Variants in COG5 observed in about 807,000 individuals in gnomAD.
COG5 encodes the protein component of oligomeric golgi complex 5.
COG5 carries 86 observed loss-of-function variants against 110.4 expected under a neutral mutation model. That is an observed-to-expected ratio of 0.78 (90% confidence interval 0.65 to 0.93). The LOEUF (loss-of-function observed/expected upper bound fraction) is 0.93, where lower values mean the gene tolerates loss of function less well. COG5 is among the 40% of genes least tolerant of loss of function. The pLI, the probability that COG5 is intolerant of heterozygous loss-of-function variation, is 0.00. For synonymous variants in COG5, 360 were observed against 334.6 expected (o/e 1.08, Z -0.83); for missense variants, 1,077 against 987.0 (o/e 1.09, Z -1.22).
intron 11 of COG5, among the ~76,000 whole-genome samples, chr7:107,310,565 G>A (rs1276729508): frequency 6.6e-6 from 1 of 152,160 alleles, no homozygotes; most frequent in Non-Finnish European, 1.5e-5. Flanking sequence ...GAGAAGAAAC[G>A]ATAAAGAACA....
intron 6 of COG5, among the ~76,000 whole-genome samples, chr7:107,499,153 G>A (rs1183227341): frequency 6.6e-6 from 1 of 152,098 alleles, no homozygotes; most frequent in Non-Finnish European, 1.5e-5. Flanking sequence ...GGGAGAGGAA[G>A]AAATGAGGAG....
chr7:107,359,703 C>T (rs182697845), intron 10 of COG5, among the ~76,000 whole-genome samples: 33 of 152,368 alleles, frequency 2.2e-4, no homozygotes, highest in African/African-American at 7.7e-4. Flanking sequence ...ACAGGACTAT[C>T]TGCCTGTGGA....
intron 10 of COG5, among the ~76,000 whole-genome samples, chr7:107,361,366 T>C (rs916017361): frequency 1.3e-5 from 2 of 152,162 alleles, no homozygotes; most frequent in African/African-American, 4.8e-5. Context: ...GTAAACACAT[T>C]ATAATGACTT....
chr7:107,211,859 G>A (rs1196537002), intron 19 of COG5, among the ~76,000 whole-genome samples: 1 of 152,176 alleles, frequency 6.6e-6, no homozygotes, highest in Non-Finnish European at 1.5e-5. Context: ...GGTGCAAAAG[G>A]CTGGCAAGAA....
intron 6 of COG5, among the ~76,000 whole-genome samples, chr7:107,417,330 TA>T (rs1164566129): frequency 1.3e-5 from 2 of 152,204 alleles, no homozygotes; most frequent in African/African-American, 4.8e-5. Context: ...TTATTATTTG[TA>T]ATTATACTTA....
chr7:107,246,839 T>C (rs916299400), intron 17 of COG5, among the ~76,000 whole-genome samples: 28 of 152,200 alleles, frequency 1.8e-4, no homozygotes, highest in Non-Finnish European at 3.1e-4. Flanking sequence ...AAAGCAGAAC[T>C]ACCATTTGAC....
chr7:107,431,461 A>C (rs887294103), intron 6 of COG5, among the ~76,000 whole-genome samples: 2 of 152,186 alleles, frequency 1.3e-5, no homozygotes, highest in Non-Finnish European at 2.9e-5. Flanking sequence ...TTATTTTACT[A>C]TTCTTTCAAC....
chr7:107,275,219 C>T (rs564195469), intron 14 of COG5, among the ~76,000 whole-genome samples: 13 of 151,360 alleles, frequency 8.6e-5, no homozygotes, highest in Middle Eastern at 3.4e-3. Flanking sequence ...TTTGGGAGGC[C>T]GAGGTGGGAG....
chr7:107,256,283 G>C (rs1305287777), intron 16 of COG5, among the ~76,000 whole-genome samples: 2 of 152,014 alleles, frequency 1.3e-5, no homozygotes, highest in Non-Finnish European at 2.9e-5. Context: ...GGTGGGCATT[G>C]TCCTATGCAT....
chr7:107,507,297 CTTTTTT>C (rs10713224), intron 6 of COG5, among the ~76,000 whole-genome samples: 1 of 131,608 alleles, frequency 7.6e-6, no homozygotes, highest in Non-Finnish European at 1.6e-5. Flanking sequence ...CTTTTCTTTT[CTTTTTT>C]TTTTTTTTTT....
chr7:107,408,550 G>T (rs1792032666), intron 7 of COG5, among the ~76,000 whole-genome samples: 1 of 152,220 alleles, frequency 6.6e-6, no homozygotes, highest in Admixed American at 6.5e-5. Context: ...GTCCAGATAT[G>T]ACTAATGTTC....
At chr7:107,371,215 T>C (rs901539317) in intron 8 of COG5, among the ~76,000 whole-genome samples, 1 of 152,208 alleles carries the variant, frequency 6.6e-6, no homozygotes, top group Admixed American at 6.5e-5. Flanking sequence ...AGACCTAAGA[T>C]TCTTTCATCT....
At chr7:107,224,982 G>A (rs1800218969) in intron 19 of COG5, among the ~76,000 whole-genome samples, 1 of 152,220 alleles carries the variant, frequency 6.6e-6, no homozygotes, top group Non-Finnish European at 1.5e-5. Flanking sequence ...AGAAGAAAGT[G>A]CCCCCTGGCA....
chr7:107,259,279 G>C lies in COG5; in HGVS notation c.1576-896C>G, dbSNP rs1803134700. On this transcript the variant is annotated intron_variant, in intron 14 of 21. Coordinates refer to ENST00000297135, the MANE Select transcript of COG5 (RefSeq NM_006348.5). ...AGGTTAAACAACTCCAATTTATTTT[G>C]ACTTTCCTCATGGACAAAGATAATC... Among the ~76,000 whole-genome samples the C allele has an allele frequency of 2.0e-5, 3 of 152,170 alleles. No individual in the cohort carries two copies. The South Asian group carries it at 6.2e-4, about 32-fold the overall frequency.
intron 7 of COG5, among the ~76,000 whole-genome samples, chr7:107,392,042 GATTGCGCC>G (rs543989398): frequency 6.9e-4 from 105 of 152,270 alleles, no homozygotes; most frequent in African/African-American, 2.5e-3. Flanking sequence ...AGTGAGCTGA[GATTGCGCC>G]ACTGCACTCC....
intron 7 of COG5, among the ~76,000 whole-genome samples, chr7:107,377,577 T>A (rs1211268953): frequency 6.6e-6 from 1 of 152,200 alleles, no homozygotes; most frequent in African/African-American, 2.4e-5. Context: ...TTATTCTTAT[T>A]TCACAGACTT....
chr7:107,281,047 A>C (rs1273707550), intron 14 of COG5, among the ~76,000 whole-genome samples: 1 of 151,934 alleles, frequency 6.6e-6, no homozygotes. Flanking sequence ...ATTAATTGGC[A>C]CATGCGTTAA....
chr7:107,537,523 A>C (rs370408096), intron 5 of COG5, among the ~76,000 whole-genome samples: 2 of 152,032 alleles, frequency 1.3e-5, no homozygotes, highest in African/African-American at 4.8e-5. Flanking sequence ...CTCACTCATC[A>C]GTGGGAGCTG....
chr7:107,344,097 A>G (rs894841845), intron 10 of COG5, among the ~76,000 whole-genome samples: 6 of 152,192 alleles, frequency 3.9e-5, no homozygotes, highest in Non-Finnish European at 5.9e-5. Flanking sequence ...GAATCAGCCT[A>G]TCCTTTGAAG....
Sources: gnomAD v4.1 joint callset for allele counts (sites outside exome capture counted in the v4.1 genomes callset) on GRCh38, gnomAD v4.1.1 for gene constraint, MANE v1.5 for transcripts, NCBI Gene and HGNC (gene_info 2026-07-23, HGNC 2026-07-21) for gene names.